Variants in HTT observed in about 807,000 individuals in gnomAD.
The protein encoded by HTT is huntingtin, also known as huntington disease protein.
In HTT, 104 loss-of-function variants were observed where a neutral mutation model predicts 362.3. That is an observed-to-expected ratio of 0.29 (90% CI 0.24 to 0.34). HTT has a LOEUF of 0.34. Ranked by LOEUF, HTT falls within the 10% of genes least tolerant of loss-of-function variation. The pLI, the probability that HTT is intolerant of heterozygous loss-of-function variation, is 1.00. For missense variants in HTT, 3,301 were observed against 3,928.6 expected, an observed-to-expected ratio of 0.84 and a Z score of 4.27; for synonymous variants, 1,577 against 1,548.7, an observed-to-expected ratio of 1.02 and a Z score of -0.43.
chr4:3,214,670 T>C (rs1410408418), intron 50 of HTT, among the ~76,000 whole-genome samples: 1 of 152,040 alleles, frequency 6.6e-6, no homozygotes, highest in Non-Finnish European at 1.5e-5. Flanking sequence ...AAGCTTTGTA[T>C]TTTTAAATTA....
chr4:3,136,758 A>G (rs1359124505), intron 21 of HTT, among the ~76,000 whole-genome samples: 1 of 152,150 alleles, frequency 6.6e-6, no homozygotes, highest in East Asian at 1.9e-4. Context: ...TTTTCCTGTT[A>G]TGAAACAGTA....
chr4:3,186,450 C>T, intron 37 of HTT, 147 bp from the exon 38 acceptor site: 1 of 783,186 alleles, frequency 1.3e-6, no homozygotes, highest in South Asian at 1.8e-5. Flanking sequence ...TTGCTTGGTT[C>T]ACCACTGAAC....
At chr4:3,091,339 T>C (rs569248118) in intron 2 of HTT, among the ~76,000 whole-genome samples, 4 of 152,080 alleles carry the variant, frequency 2.6e-5, no homozygotes, top group Non-Finnish European at 5.9e-5. Flanking sequence ...TACCTCATAT[T>C]GCAAACAAAC....
At chr4:3,170,735 G>C (rs1444817887) in intron 29 of HTT, among the ~76,000 whole-genome samples, 1 of 152,210 alleles carries the variant, frequency 6.6e-6, no homozygotes, top group Non-Finnish European at 1.5e-5. Context: ...CCATAGGGCT[G>C]ACTTAGTCTC....
At chr4:3,093,772 AG>A (rs1436358186) in intron 2 of HTT, among the ~76,000 whole-genome samples, 1 of 151,934 alleles carries the variant, frequency 6.6e-6, no homozygotes, top group Non-Finnish European at 1.5e-5. Flanking sequence ...CTATAAGCCA[AG>A]GAATGCAGCA....
At chr4:3,143,354 T>A (rs1716438914) in intron 23 of HTT, among the ~76,000 whole-genome samples, 1 of 150,046 alleles carries the variant, frequency 6.7e-6, no homozygotes, top group Non-Finnish European at 1.5e-5. Flanking sequence ...GGAGAATCGC[T>A]TGAACCTGGG....
chr4:3,208,896 A>C lies in HTT; in HGVS notation c.6276A>C (p.Thr2092=). 6.2e-7 allele frequency: 1 copy of C among 1,612,230 alleles called. No homozygotes were observed. The highest frequency in any genetic ancestry group is 8.5e-7 in the Non-Finnish European group (1 of 1,179,450). Residue 2092 remains threonine, a synonymous_variant, in exon 46 of 67, where the codon ACA becomes ACC. Coordinates refer to ENST00000355072, the MANE Select transcript of HTT (RefSeq NM_001388492.1). ...LDGDGHVSLE[T]VSPDKDWYVH... Reference sequence around the variant, plus strand: ...GGGATGGGCACGTGTCACTGGAAACAGTGAGTCCGGACAAAGTAAGTGTCC... The same window carrying C: ...GGGATGGGCACGTGTCACTGGAAACCGTGAGTCCGGACAAAGTAAGTGTCC...
rs768684165 is a variant in HTT at position 3,188,925 on chromosome 4, C to T, written c.5226-26C>T. On this transcript the variant is annotated intron_variant, in intron 39 of 66. Transcript: ENST00000355072. ...TGCTTTATAGTAGTCACCTAATTCACTGTCATCTTTTTTGTTTCTTGGAAG... is the reference window on the plus strand; with the variant it reads ...TGCTTTATAGTAGTCACCTAATTCATTGTCATCTTTTTTGTTTCTTGGAAG... The T allele has an allele frequency of 3.1e-6, 5 of 1,611,046 alleles. No homozygotes were observed. The South Asian group carries it at 4.4e-5, about 14-fold the overall frequency.
chr4:3,238,386 C>A (rs569675414), intron 64 of HTT, 61 bp from the exon 65 acceptor site: 2 of 1,337,460 alleles, frequency 1.5e-6, no homozygotes, highest in East Asian at 4.9e-5. Flanking sequence ...AGGCCCTCCG[C>A]GGGCAGGTGG....
chr4:3,114,417 T>G (rs1714919895), intron 6 of HTT, among the ~76,000 whole-genome samples: 1 of 152,260 alleles, frequency 6.6e-6, no homozygotes, highest in African/African-American at 2.4e-5. Flanking sequence ...AGAGGTCTCG[T>G]GTAAATTCCC....
At position 3,136,297 on chromosome 4, in the gene HTT, G is replaced by A; in HGVS notation, c.2769G>A (p.Val923=). 6.2e-7 allele frequency: 1 copy of A among 1,606,620 alleles called. No homozygotes were observed. Among genetic ancestry groups the A allele is most frequent in the South Asian group, 1.1e-5 (1 of 90,784 alleles). ...IHLLGDEDPR[V]RHVAAASLIR... is the part of the protein sequence containing the mutation. ...TGCTTGGAGATGAAGACCCCAGGGTGCGACATGTTGCCGCAGCATCACTAA... is the reference window on the plus strand; with the variant it reads ...TGCTTGGAGATGAAGACCCCAGGGTACGACATGTTGCCGCAGCATCACTAA... The change falls in exon 21 of 67, where the codon GTG becomes GTA. Residue 923 remains valine (V), a synonymous_variant. Coordinates refer to ENST00000355072, the MANE Select transcript of HTT (RefSeq NM_001388492.1).
intron 37 of HTT, among the ~76,000 whole-genome samples, chr4:3,184,859 C>A (rs754518235): frequency 1.3e-5 from 2 of 152,042 alleles, no homozygotes; most frequent in Non-Finnish European, 2.9e-5. Flanking sequence ...TGCTGAGTCC[C>A]AGCTCCAAGG....
rs1461954622 is a variant in HTT, at chr4:3,140,646, A to G, written c.2935A>G (p.Thr979Ala). 6.2e-7 allele frequency: 1 copy of G among 1,614,094 alleles called. No individual in the cohort carries two copies. The highest frequency in any genetic ancestry group is 1.1e-5 in the South Asian group (1 of 91,066). The change falls in exon 22 of 67, where the codon ACA (threonine) becomes GCA (alanine). Residue 979 changes from threonine (T) to alanine (A), a missense_variant. Thr to Ala is a moderately conservative substitution (Grantham distance 58, BLOSUM62 0). Transcript: ENST00000355072. ...GCCTCCATCTCATTTCTCCGTCAGC[A>G]CAATAACCAGGTATGCTGACCCAGT... ...TQPPSHFSVS[T>A]ITRIYRGYNL...
intron 35 of HTT, among the ~76,000 whole-genome samples, chr4:3,179,768 G>A (rs764367837): frequency 2.0e-5 from 3 of 149,170 alleles, no homozygotes; most frequent in Non-Finnish European, 3.0e-5. Flanking sequence ...ATTTGTGAGC[G>A]TATGTGTCAC....
intron 26 of HTT, 93 bp downstream of exon 26, chr4:3,148,300 T>G: frequency 2.1e-6 from 2 of 966,550 alleles, no homozygotes; most frequent in Non-Finnish European, 3.0e-6. Context: ...TTCTTTATTC[T>G]CTTTTTGCTT....
intron 28 of HTT, 75 bp downstream of exon 28, chr4:3,157,274 A>T: frequency 7.2e-7 from 1 of 1,396,620 alleles, no homozygotes; most frequent in Non-Finnish European, 9.9e-7. Context: ...TGTTTTTCTT[A>T]TGATTTGTAG....
At chr4:3,172,544 T>C (rs1412636535) in intron 30 of HTT, 147 bp downstream of exon 30, 7 of 696,876 alleles carry the variant, frequency 1.0e-5, no homozygotes, top group South Asian at 1.6e-5. Context: ...CAGTCCATGA[T>C]TGAGCCAAGA....
chr4:3,179,439 G>A (rs947025076), intron 35 of HTT, among the ~76,000 whole-genome samples: 10 of 152,142 alleles, frequency 6.6e-5, no homozygotes, highest in African/African-American at 9.7e-5. Flanking sequence ...ATACCCATGC[G>A]TGCATGCCAC....
In HTT at chr4:3,235,794, G is replaced by T; in HGVS notation, c.8785+16G>T. 6.3e-7 allele frequency: 1 copy of T among 1,586,684 alleles called. No individual in the cohort carries two copies. On this transcript the variant is annotated intron_variant, in intron 63 of 66. Coordinates refer to ENST00000355072, the MANE Select transcript of HTT (RefSeq NM_001388492.1). ...ATGTACACAGGTGAGCATGTACACG[G>T]TGCCCATAAGGCCAGCCCAAGTCCT...
Sources: allele counts gnomAD v4.1 joint callset (sites outside exome capture counted in the v4.1 genomes callset), GRCh38; gene constraint gnomAD v4.1.1; transcripts MANE v1.5; gene names NCBI Gene and HGNC (gene_info 2026-07-23, HGNC 2026-07-21).